The following C6 variants were observed in gnomAD, a reference collection of about 807,000 sequenced individuals.
The protein encoded by C6 is complement C6.
In C6, 101 loss-of-function variants were observed where a neutral mutation model predicts 112.9. That is an observed-to-expected ratio of 0.89 (90% CI 0.76 to 1.06). C6 has a LOEUF of 1.06. Ranked by LOEUF, C6 falls within the 50% of genes least tolerant of loss-of-function variation. The probability of loss-of-function intolerance (pLI) is 0.00; values close to 1 mark genes in which losing one functional copy is unlikely to be tolerated. For synonymous variants in C6, 431 were observed against 384.1 expected (o/e 1.12, Z -1.43); for missense variants, 1,202 against 1,104.6 (o/e 1.09, Z -1.25).
chr5:41,158,083 T>C, intron 13 of C6, among the ~76,000 whole-genome samples: 1 of 152,168 alleles, frequency 6.6e-6, no homozygotes, highest in Non-Finnish European at 1.5e-5. Context: ...ATGACTTCTG[T>C]GATCACTTTT....
At chr5:41,158,387 A>G (rs3805715) in intron 13 of C6, among the ~76,000 whole-genome samples, 24,175 of 152,096 alleles carry the variant, frequency 0.16, 1,972 homozygotes, top group East Asian at 0.33. Flanking sequence ...GCCAGATCTT[A>G]CTTGCAAATT....
At chr5:41,251,849 A>C (rs1378708322) in intron 1 of C6, among the ~76,000 whole-genome samples, 1 of 152,180 alleles carries the variant, frequency 6.6e-6, no homozygotes, top group African/African-American at 2.4e-5. Flanking sequence ...TGGGAAATGC[A>C]AATTTTATCT....
intron 1 of C6, among the ~76,000 whole-genome samples, chr5:41,246,074 C>A (rs1472566110): frequency 6.6e-6 from 1 of 152,152 alleles, no homozygotes; most frequent in African/African-American, 2.4e-5. Flanking sequence ...TAGTCTTTGA[C>A]AATTCTTAAC....
In C6 at chr5:41,142,796, T is replaced by G. The variant is rs1745467053; in HGVS notation, c.*29A>C. 6.4e-7 allele frequency: 1 copy of G among 1,567,134 alleles called. No individual in the cohort carries two copies. The highest frequency in any genetic ancestry group is 2.2e-5 in the East Asian group (1 of 44,462). On this transcript the variant is annotated 3_prime_UTR_variant, in exon 18 of 18. Transcript: ENST00000337836. ...TGGTTCTTCGGGATGGTAAATCTGTTCATTGTGCTGGGCCTAGCAGTAATT... is the reference window on the plus strand; with the variant it reads ...TGGTTCTTCGGGATGGTAAATCTGTGCATTGTGCTGGGCCTAGCAGTAATT...
At chr5:41,228,168 A>G (rs913813783) in intron 1 of C6, among the ~76,000 whole-genome samples, 8 of 151,978 alleles carry the variant, frequency 5.3e-5, no homozygotes, top group Non-Finnish European at 8.8e-5. Flanking sequence ...AGTTTTCAGT[A>G]TACAGCTCTT....
chr5:41,187,973 C>T (rs1030014057), intron 5 of C6, among the ~76,000 whole-genome samples: 2 of 152,032 alleles, frequency 1.3e-5, no homozygotes, highest in Non-Finnish European at 2.9e-5. Context: ...AAATGTATTT[C>T]CCTACAAATA....
chr5:41,228,943 A>G (rs1739700994), intron 1 of C6, among the ~76,000 whole-genome samples: 1 of 151,972 alleles, frequency 6.6e-6, no homozygotes, highest in Non-Finnish European at 1.5e-5. Flanking sequence ...TCTTTGTCTG[A>G]TTTTGCACTT....
At chr5:41,244,296 G>A (rs1417679348) in intron 1 of C6, among the ~76,000 whole-genome samples, 1 of 152,014 alleles carries the variant, frequency 6.6e-6, no homozygotes, top group Admixed American at 6.5e-5. Flanking sequence ...AATTTTTATG[G>A]TGTTTAGTAG....
chr5:41,240,725 TGTGGTTGGGGCCTCTG>T (rs1480196057), intron 1 of C6, among the ~76,000 whole-genome samples: 1 of 152,030 alleles, frequency 6.6e-6, no homozygotes, highest in Non-Finnish European at 1.5e-5. Flanking sequence ...TTTCTGGGCT[TGTGGTTGGGGCCTCTG>T]GTGGTGCACA....
chr5:41,197,560 TAGAC>T (rs979994178), intron 4 of C6, among the ~76,000 whole-genome samples: 1 of 152,174 alleles, frequency 6.6e-6, no homozygotes, highest in African/African-American at 2.4e-5. Flanking sequence ...CTCACTTTGT[TAGAC>T]AGAAGGAGGG....
At position 41,243,428 on chromosome 5, in the gene C6, A is replaced by G. The variant is rs574860432; in HGVS notation, c.-21+17766T>C. 2.3e-3 allele frequency among the ~76,000 whole-genome samples: 355 copies of G among 152,284 alleles called. 2 individuals are homozygous for G. Among genetic ancestry groups the G allele is most frequent in the African/African-American group, 8.3e-3 (346 of 41,568 alleles). On this transcript the variant is annotated intron_variant, in intron 1 of 17. Transcript: ENST00000263413. ...ACTTAGTGATTTGTTATGTTAAAAAATTTTTATTCTAGGCTCTTTAAACTT... is the reference window on the plus strand; with the variant it reads ...ACTTAGTGATTTGTTATGTTAAAAAGTTTTTATTCTAGGCTCTTTAAACTT...
intron 1 of C6, among the ~76,000 whole-genome samples, chr5:41,250,784 G>A (rs763654818): frequency 5.3e-5 from 8 of 152,142 alleles, no homozygotes; most frequent in African/African-American, 1.2e-4. Flanking sequence ...ATTTGCTGTT[G>A]TAAGCCACTG....
At chr5:41,230,484 C>G (rs1261333001) in intron 1 of C6, among the ~76,000 whole-genome samples, 1 of 152,114 alleles carries the variant, frequency 6.6e-6, no homozygotes, top group Non-Finnish European at 1.5e-5. Context: ...CTGTAGCACC[C>G]TCAGGCTTAC....
chr5:41,144,372 A>T (rs1240048769), intron 17 of C6, among the ~76,000 whole-genome samples: 1 of 151,990 alleles, frequency 6.6e-6, no homozygotes, highest in East Asian at 1.9e-4. Context: ...GGTTCAAGAG[A>T]TCCTCCCACC....
At chr5:41,246,654 C>G (rs1372710088) in intron 1 of C6, among the ~76,000 whole-genome samples, 1 of 152,192 alleles carries the variant, frequency 6.6e-6, no homozygotes, top group African/African-American at 2.4e-5. Flanking sequence ...CAGTCCAGGG[C>G]AGTCTAACTC....
chr5:41,205,920 T>C (rs1751400935), intron 1 of C6, among the ~76,000 whole-genome samples: 1 of 152,172 alleles, frequency 6.6e-6, no homozygotes, highest in Admixed American at 6.5e-5. Context: ...GACTGCCTCC[T>C]CAAGTGGGTC....
At chr5:41,151,366 T>A (rs756620149) in intron 15 of C6, among the ~76,000 whole-genome samples, 1 of 152,230 alleles carries the variant, frequency 6.6e-6, no homozygotes, top group Non-Finnish European at 1.5e-5. Flanking sequence ...GTCAATTATA[T>A]GATTCTTCGG....
intron 15 of C6, among the ~76,000 whole-genome samples, chr5:41,150,590 T>G (rs1746292540): frequency 6.6e-6 from 1 of 151,966 alleles, no homozygotes. Flanking sequence ...TATGGAAAAG[T>G]TCAAATGGGA....
At chr5:41,213,574 C>A (rs920701413), upstream of C6, 2 of 985,066 alleles carry the variant, frequency 2.0e-6, no homozygotes, top group East Asian at 1.1e-4. Context: ...TTCTCTGGAA[C>A]TTGAACTTTG....
Sources: allele counts gnomAD v4.1 joint callset (sites outside exome capture counted in the v4.1 genomes callset), GRCh38; gene constraint gnomAD v4.1.1; transcripts MANE v1.5; gene names NCBI Gene and HGNC (gene_info 2026-07-23, HGNC 2026-07-21).